Variants in STARD6 observed in about 807,000 individuals in gnomAD.
STARD6 encodes the protein stAR-related lipid transfer protein 6.
A neutral mutation model predicts 22.3 loss-of-function variants in STARD6; 21 were observed. That is an observed-to-expected ratio of 0.94 (90% CI 0.67 to 1.35). The LOEUF is 1.35. Among genes scored for constraint, STARD6 ranks in the 40% most tolerant of loss-of-function variants. STARD6 has a pLI of 0.00. For missense variants in STARD6, 269 were observed against 266.9 expected, an observed-to-expected ratio of 1.01 and a Z score of -0.05; for synonymous variants, 80 against 88.1, an observed-to-expected ratio of 0.91 and a Z score of 0.52.
chr18:54,357,129 T>C (rs2089155873), intron 1 of STARD6: 1 of 152,188 alleles, frequency 6.6e-6, no homozygotes, highest in Admixed American at 6.5e-5. Context: ...ACTCATAGGG[T>C]CAGTGGAAAA....
At chr18:54,346,071 T>G (rs2089030967) in intron 4 of STARD6, among the ~76,000 whole-genome samples, 1 of 152,078 alleles carries the variant, frequency 6.6e-6, no homozygotes, top group Admixed American at 6.5e-5. Flanking sequence ...TAAATTGAAC[T>G]TCAAGAAAAT....
rs2089121449 is a variant in STARD6, at chr18:54,354,064, G to C, written c.130C>G (p.His44Asp). 2 of 1,565,572 alleles carry C rather than the reference G, an allele frequency of 1.3e-6. No individual in the cohort carries two copies. Among genetic ancestry groups the C allele is most frequent in the Non-Finnish European group, 1.7e-6 (2 of 1,154,264 alleles). Residue 44 changes from histidine to aspartate, a missense_variant, in exon 4 of 8, where the codon CAT becomes GAT. Transcript: ENST00000307844. ...GAAGATTGTACTCACAGATTTCCAT[G>C]GAATTTTCTAGAAGCCTTACTGGAA... ...TVSSKASRKF[H>D]GNLYRVEGII...
intron 2 of STARD6, chr18:54,355,789 G>A (rs2089137483): frequency 6.6e-6 from 1 of 152,224 alleles, no homozygotes; most frequent in Non-Finnish European, 1.5e-5. Flanking sequence ...CTGTGAATGA[G>A]TTCCGGAAGC....
intron 1 of STARD6, among the ~76,000 whole-genome samples, chr18:54,356,758 C>G (rs2089148474): frequency 6.6e-6 from 1 of 152,074 alleles, no homozygotes; most frequent in Non-Finnish European, 1.5e-5. Flanking sequence ...ATTGTTAATC[C>G]CCGACCAGGG....
chr18:54,327,827 C>G (rs1333433110), intron 7 of STARD6, among the ~76,000 whole-genome samples: 1 of 149,938 alleles, frequency 6.7e-6, no homozygotes, highest in Admixed American at 6.6e-5. Context: ...TTTACAGTGC[C>G]TCAAATGGCT....
chr18:54,344,583 T>TAAAAAAAAAAAA (rs55736082), intron 4 of STARD6, among the ~76,000 whole-genome samples: 4 of 94,056 alleles, frequency 4.3e-5, no homozygotes, highest in Admixed American at 1.1e-4. Context: ...AAAAATAAAT[T>TAAAAAAAAAAAA]AAAAAAAAAA....
intron 5 of STARD6, 23 bp from the exon 6 acceptor site, chr18:54,331,882 G>C (rs1365415285): frequency 6.8e-7 from 1 of 1,469,460 alleles, no homozygotes; most frequent in Admixed American, 1.7e-5. Flanking sequence ...AAACCGTAAA[G>C]ATAACAAACG....
chr18:54,334,126 G>A (rs2088888993), intron 5 of STARD6, among the ~76,000 whole-genome samples: 1 of 152,142 alleles, frequency 6.6e-6, no homozygotes, highest in Non-Finnish European at 1.5e-5. Flanking sequence ...AGTTTTAGAA[G>A]ACTTATCTGA....
At chr18:54,352,432 T>C (rs1326635552) in intron 4 of STARD6, among the ~76,000 whole-genome samples, 1 of 152,190 alleles carries the variant, frequency 6.6e-6, no homozygotes, top group African/African-American at 2.4e-5. Context: ...CCAACAACAA[T>C]GTGAGTGAGT....
chr18:54,329,957 C>T (rs1196708224), intron 6 of STARD6, among the ~76,000 whole-genome samples: 1 of 151,442 alleles, frequency 6.6e-6, no homozygotes, highest in East Asian at 1.9e-4. Flanking sequence ...TCTGCAATTC[C>T]CTGTAGCTAA....
At chr18:54,345,886 T>C (rs544356621) in intron 4 of STARD6, among the ~76,000 whole-genome samples, 12 of 152,260 alleles carry the variant, frequency 7.9e-5, no homozygotes, top group African/African-American at 1.7e-4. Context: ...CATGCAAAGA[T>C]TGAATTGGAC....
At chr18:54,341,127 T>C (rs1051566040) in intron 4 of STARD6, among the ~76,000 whole-genome samples, 9 of 152,222 alleles carry the variant, frequency 5.9e-5, no homozygotes, top group Non-Finnish European at 1.2e-4. Flanking sequence ...TGGCGCGATC[T>C]CGGCTCACTG....
intron 4 of STARD6, 122 bp from the exon 5 acceptor site, chr18:54,337,373 G>T: frequency 2.5e-6 from 2 of 804,070 alleles, no homozygotes; most frequent in Non-Finnish European, 3.7e-6. Flanking sequence ...AAACTTGAAG[G>T]TACTATCAGC....
chr18:54,350,608 G>A (rs1187991582), intron 4 of STARD6, among the ~76,000 whole-genome samples: 3 of 152,030 alleles, frequency 2.0e-5, no homozygotes, highest in African/African-American at 7.2e-5. Context: ...GAGTTTTTAT[G>A]GTTTCAGGTC....
At position 54,331,827 on chromosome 18, in the gene STARD6, A is replaced by G. The variant is rs17470798; in HGVS notation, c.300T>C (p.Ser100=). ...DTFICHTITQ[S]FAVGSISPRD... ...GAGGGGAAATGGAGCCCACGGCAAAACTTTGTGTAATGGTATGACATATGA... is the reference window on the plus strand; with the variant it reads ...GAGGGGAAATGGAGCCCACGGCAAAGCTTTGTGTAATGGTATGACATATGA... The change falls in exon 6 of 8, where the codon AGT becomes AGC. Residue 100 remains serine, a synonymous_variant. Transcript: ENST00000307844. The G allele has an allele frequency of 0.19, 309,916 of 1,610,740 alleles. 31,462 individuals carry two copies. The highest frequency in any genetic ancestry group is 0.25 in the Middle Eastern group (1,483 of 6,050).
chr18:54,356,285 A>G (rs2089142547), intron 2 of STARD6, 76 bp downstream of exon 2: 1 of 152,242 alleles, frequency 6.6e-6, no homozygotes, highest in African/African-American at 2.4e-5. Context: ...GGTAGTTGAT[A>G]GTCTCTATAT....
At position 54,324,721 on chromosome 18, in the gene STARD6, G is replaced by A. The variant is rs770888249; in HGVS notation, c.634C>T (p.Arg212Cys). The change falls in exon 8 of 8, where the codon CGT becomes TGT. Residue 212 changes from arginine (R) to cysteine (C), a missense_variant. Coordinates refer to ENST00000307844, the MANE Select transcript of STARD6 (RefSeq NM_139171.2). ...GAATGACTATTATGATGAAATCCAC[G>A]TCTTGATGGAGTTCTGTGTGCCTTT... ...GIKAHRTPSR[R>C]GFHHNSHS 65 of 1,612,840 alleles carry A rather than the reference G, an allele frequency of 4.0e-5. No individual in the cohort carries two copies. The highest frequency in any genetic ancestry group is 3.8e-4 in the Admixed American group (23 of 59,856).
intron 5 of STARD6, among the ~76,000 whole-genome samples, chr18:54,335,679 G>A (rs2088904421): frequency 6.6e-6 from 1 of 152,130 alleles, no homozygotes; most frequent in African/African-American, 2.4e-5. Context: ...CGATCATGGG[G>A]CAGACTTCCC....
At chr18:54,330,914 T>A (rs1446951586) in intron 6 of STARD6, among the ~76,000 whole-genome samples, 1 of 152,236 alleles carries the variant, frequency 6.6e-6, no homozygotes, top group Admixed American at 6.5e-5. Context: ...ATGAACATTA[T>A]GAACATCAGC....
Sources: allele counts gnomAD v4.1 joint callset (sites outside exome capture counted in the v4.1 genomes callset), GRCh38; gene constraint gnomAD v4.1.1; transcripts MANE v1.5; gene names NCBI Gene and HGNC (gene_info 2026-07-23, HGNC 2026-07-21).